DLG2: variants seen among roughly 807,000 people sequenced by gnomAD.
The protein encoded by DLG2 is disks large homolog 2.
Under a neutral mutation model 132.5 loss-of-function variants are expected in DLG2, and 45 were observed. The observed-to-expected ratio is 0.34, with a 90% CI of 0.27 to 0.44. The LOEUF (loss-of-function observed/expected upper bound fraction) is 0.44. Ranked by LOEUF, DLG2 falls within the 20% of genes least tolerant of loss-of-function variation. The probability of loss-of-function intolerance (pLI) is 1.00; values close to 1 mark genes in which losing one functional copy is unlikely to be tolerated. For synonymous variants in DLG2, 424 were observed against 419.6 expected (o/e 1.01, Z -0.13); for missense variants, 1,045 against 1,196.9 (o/e 0.87, Z 1.87).
intron 6 of DLG2, among the ~76,000 whole-genome samples, chr11:84,567,852 C>G (rs1351152429): frequency 6.6e-6 from 1 of 152,042 alleles, no homozygotes; most frequent in Admixed American, 6.6e-5. Flanking sequence ...GCCTGAAACA[C>G]CTGTGTGGCT....
chr11:85,469,882 C>T (rs561006906), intron 3 of DLG2, among the ~76,000 whole-genome samples: 2 of 152,164 alleles, frequency 1.3e-5, no homozygotes, highest in Admixed American at 1.3e-4. Context: ...ATATGACCCA[C>T]CTAAATCAAA....
intron 18 of DLG2, among the ~76,000 whole-genome samples, chr11:83,772,989 A>T (rs1411827207): frequency 1.3e-5 from 2 of 152,358 alleles, no homozygotes; most frequent in South Asian, 4.1e-4. Context: ...TGTTAGCATT[A>T]AAAATAAAGT....
chr11:83,508,096 T>G lies in DLG2; in HGVS notation c.2194-23868A>C, dbSNP rs2094822720. Among the ~76,000 whole-genome samples the G allele has an allele frequency of 2.0e-5, 3 of 152,020 alleles. No homozygotes were observed. The South Asian group carries it at 6.2e-4, about 32-fold the overall frequency. ...GCCTTTCCCAGCCCACTGACTCAAA[T>G]GCTAATCTCCTTTGGCAACACCCTC... On this transcript the variant is annotated intron_variant, in intron 21 of 27. Coordinates refer to ENST00000376104, the MANE Select transcript of DLG2 (RefSeq NM_001142699.3).
chr11:84,093,482 G>C (rs2097125590), intron 10 of DLG2, among the ~76,000 whole-genome samples: 1 of 152,142 alleles, frequency 6.6e-6, no homozygotes, highest in South Asian at 2.1e-4. Context: ...CATGTAATTA[G>C]ACCAGGTTCA....
intron 6 of DLG2, among the ~76,000 whole-genome samples, chr11:84,860,105 G>T (rs1472770841): frequency 1.3e-5 from 2 of 152,074 alleles, no homozygotes; most frequent in African/African-American, 2.4e-5. Context: ...CGTATAACCA[G>T]AAATCAACAA....
intron 17 of DLG2, among the ~76,000 whole-genome samples, chr11:83,822,621 A>G (rs1422003921): frequency 6.6e-6 from 1 of 152,194 alleles, no homozygotes; most frequent in Non-Finnish European, 1.5e-5. Flanking sequence ...ATGGAGAAAC[A>G]GAGATTTTTC....
intron 11 of DLG2, among the ~76,000 whole-genome samples, chr11:84,044,030 TTTC>T (rs1400869734): frequency 4.6e-5 from 7 of 151,780 alleles, no homozygotes; most frequent in East Asian, 2.0e-4. Flanking sequence ...TCTTCCTTAT[TTTC>T]TTCTTCTTTT....
chr11:84,433,073 A>G (rs540598668), intron 7 of DLG2, among the ~76,000 whole-genome samples: 1 of 152,266 alleles, frequency 6.6e-6, no homozygotes, highest in Non-Finnish European at 1.5e-5. Flanking sequence ...ATGTCAGGAT[A>G]TGTGGGGTTG....
chr11:85,150,137 G>A (rs925574254), intron 5 of DLG2, among the ~76,000 whole-genome samples: 33 of 146,930 alleles, frequency 2.2e-4, no homozygotes, highest in African/African-American at 7.9e-4. Context: ...CTCCTGCCTC[G>A]GCCTCCCCAG....
rs796883371 is a variant in DLG2 at position 83,605,007 on chromosome 11, C to G, written c.1940+28204G>C. ...TTTGAAATGGACCAGTTTTCAAAGA[C>G]AGAGAGAGAGAGAGAGAGAGAGAGA... On this transcript the variant is annotated intron_variant, in intron 19 of 27. Coordinates refer to ENST00000376104, the MANE Select transcript of DLG2 (RefSeq NM_001142699.3). Among the ~76,000 whole-genome samples the G allele has an allele frequency of 2.1e-3, 268 of 129,910 alleles. 1 individual carries two copies. The highest frequency in any genetic ancestry group is 6.4e-3 in the African/African-American group (220 of 34,112). The allele number at this position is 129,910 out of a possible 152,430, so 85.2% of individuals were successfully genotyped here.
intron 3 of DLG2, among the ~76,000 whole-genome samples, chr11:85,422,256 C>T (rs1487114704): frequency 6.6e-6 from 1 of 152,130 alleles, no homozygotes; most frequent in Non-Finnish European, 1.5e-5. Context: ...GGAAAATTTT[C>T]CTTGATTATT....
intron 16 of DLG2, among the ~76,000 whole-genome samples, chr11:83,865,821 A>G (rs1433986748): frequency 6.6e-6 from 1 of 152,206 alleles, no homozygotes; most frequent in Non-Finnish European, 1.5e-5. Flanking sequence ...GGAGACAGTG[A>G]GTCAACCATG....
At chr11:85,124,442 T>C (rs908176581) in intron 5 of DLG2, among the ~76,000 whole-genome samples, 6 of 152,234 alleles carry the variant, frequency 3.9e-5, no homozygotes, top group African/African-American at 1.4e-4. Flanking sequence ...ACTTTTCAAA[T>C]ATATAAACTA....
At chr11:84,348,978 T>C (rs1194928703) in intron 7 of DLG2, among the ~76,000 whole-genome samples, 2 of 152,192 alleles carry the variant, frequency 1.3e-5, no homozygotes, top group Non-Finnish European at 2.9e-5. Flanking sequence ...TTCTAGCCTC[T>C]AAAACTGTGA....
chr11:84,452,672 C>G (rs1422202125), intron 7 of DLG2, among the ~76,000 whole-genome samples: 2 of 151,598 alleles, frequency 1.3e-5, no homozygotes, highest in Non-Finnish European at 3.0e-5. Flanking sequence ...ACAGATGACT[C>G]CAAACATTTT....
Position 83,458,890 on chromosome 11 carries a change from G to GGTAA in DLG2, c.*924_*927dup, listed in dbSNP as rs1420286567. 6.6e-6 allele frequency: 1 copy of GGTAA among 152,196 alleles called. No individual in the cohort carries two copies. 9.4% of individuals were successfully genotyped at this position (152,196 alleles called of 1,614,324 possible). A position where few individuals can be genotyped will look rare whatever the true frequency, so the allele number is the denominator to read the frequency against. ...GAGTGTATCACTAATGTGGAAGGGA[G>GGTAA]GTAAGTGAGGAAGAAGTCTTTGTCA... On this transcript the variant is annotated 3_prime_UTR_variant, in exon 28 of 28. Coordinates refer to ENST00000376104, the MANE Select transcript of DLG2 (RefSeq NM_001142699.3).
intron 7 of DLG2, among the ~76,000 whole-genome samples, chr11:84,450,503 A>G (rs1167875343): frequency 6.6e-6 from 1 of 151,574 alleles, no homozygotes; most frequent in East Asian, 1.9e-4. Context: ...GGCAGAAAAC[A>G]CTGTACCCAT....
intron 7 of DLG2, among the ~76,000 whole-genome samples, chr11:84,428,709 C>T (rs1170809328): frequency 6.6e-6 from 1 of 152,190 alleles, no homozygotes; most frequent in Non-Finnish European, 1.5e-5. Context: ...AATACAGTCA[C>T]ACTGAGGACA....
intron 15 of DLG2, among the ~76,000 whole-genome samples, chr11:83,927,179 A>G (rs1354565403): frequency 6.6e-6 from 1 of 152,108 alleles, no homozygotes; most frequent in African/African-American, 2.4e-5. Flanking sequence ...ATGTTTATGT[A>G]TTCATCCAAT....
Sources: gnomAD v4.1 joint callset for allele counts (sites outside exome capture counted in the v4.1 genomes callset) on GRCh38, gnomAD v4.1.1 for gene constraint, MANE v1.5 for transcripts, NCBI Gene and HGNC (gene_info 2026-07-23, HGNC 2026-07-21) for gene names.